TMCC1: variants seen among roughly 807,000 people sequenced by gnomAD.
TMCC1 encodes the protein transmembrane and coiled-coil domains protein 1.
A neutral mutation model predicts 52.4 loss-of-function variants in TMCC1; 15 were observed. The observed-to-expected ratio is 0.29, with a 90% CI of 0.19 to 0.44. The LOEUF (loss-of-function observed/expected upper bound fraction) is 0.44. Among genes scored for constraint, TMCC1 ranks in the 20% least tolerant of loss-of-function variants. The pLI is 1.00. For synonymous variants in TMCC1, 279 were observed against 301.9 expected (o/e 0.92, Z 0.79); for missense variants, 503 against 806.0 (o/e 0.62, Z 4.55).
chr3:129,882,218 A>C (rs2061491511), intron 1 of TMCC1, among the ~76,000 whole-genome samples: 1 of 152,176 alleles, frequency 6.6e-6, no homozygotes, highest in South Asian at 2.1e-4. Flanking sequence ...GGATATTTCT[A>C]CGAAGGAGAT....
chr3:129,856,088 G>C (rs1366312070), intron 2 of TMCC1, among the ~76,000 whole-genome samples: 2 of 152,164 alleles, frequency 1.3e-5, no homozygotes, highest in Non-Finnish European at 2.9e-5. Context: ...GCTAGGGGAA[G>C]GATTCAAGGG....
At chr3:129,776,241 C>T (rs182949746) in intron 4 of TMCC1, among the ~76,000 whole-genome samples, 2 of 152,288 alleles carry the variant, frequency 1.3e-5, no homozygotes, top group African/African-American at 4.8e-5. Context: ...CATGTAAGTT[C>T]TATGAGAAGA....
At chr3:129,734,757 G>A (rs2050810818) in intron 4 of TMCC1, among the ~76,000 whole-genome samples, 1 of 152,162 alleles carries the variant, frequency 6.6e-6, no homozygotes, top group Non-Finnish European at 1.5e-5. Context: ...CTCTGAAGAA[G>A]CGGAATGGAT....
chr3:129,707,597 T>A (rs2048340457), intron 4 of TMCC1, among the ~76,000 whole-genome samples: 1 of 152,220 alleles, frequency 6.6e-6, no homozygotes, highest in Non-Finnish European at 1.5e-5. Flanking sequence ...AAAATTACTT[T>A]TACTTTCTTA....
At chr3:129,802,284 C>T (rs2057240068) in intron 4 of TMCC1, among the ~76,000 whole-genome samples, 1 of 152,150 alleles carries the variant, frequency 6.6e-6, no homozygotes, top group Admixed American at 6.5e-5. Flanking sequence ...AAATATTACA[C>T]CTATGATTCC....
At chr3:129,725,759 C>G (rs764451759) in intron 4 of TMCC1, among the ~76,000 whole-genome samples, 34 of 151,948 alleles carry the variant, frequency 2.2e-4, no homozygotes, top group Non-Finnish European at 4.0e-4. Context: ...AGAAACAGTG[C>G]CCAGAATGGT....
chr3:129,790,631 A>C (rs1441583049), intron 4 of TMCC1, among the ~76,000 whole-genome samples: 1 of 152,196 alleles, frequency 6.6e-6, no homozygotes. Context: ...GTTTCCTCTG[A>C]TCAGAGTGCA....
intron 4 of TMCC1, among the ~76,000 whole-genome samples, chr3:129,705,648 C>A (rs2048167334): frequency 6.6e-6 from 1 of 151,024 alleles, no homozygotes; most frequent in African/African-American, 2.4e-5. Context: ...CTCCGTCACC[C>A]AGGCTGTGCA....
At chr3:129,785,052 T>C (rs2055886204) in intron 4 of TMCC1, among the ~76,000 whole-genome samples, 1 of 152,080 alleles carries the variant, frequency 6.6e-6, no homozygotes, top group East Asian at 1.9e-4. Context: ...CTCAAGAAAG[T>C]GGGAAAGTAA....
intron 4 of TMCC1, among the ~76,000 whole-genome samples, chr3:129,760,705 C>A (rs1281442503): frequency 6.6e-6 from 1 of 151,862 alleles, no homozygotes; most frequent in Non-Finnish European, 1.5e-5. Context: ...TCTCGATCTC[C>A]TGACCTTGTG....
intron 4 of TMCC1, among the ~76,000 whole-genome samples, chr3:129,799,602 A>C (rs1218315542): frequency 2.6e-5 from 4 of 152,130 alleles, no homozygotes; most frequent in Admixed American, 6.6e-5. Flanking sequence ...CGAGATCAGG[A>C]GATCGAGACC....
chr3:129,841,658 C>T (rs558301064), intron 2 of TMCC1, among the ~76,000 whole-genome samples: 8 of 152,226 alleles, frequency 5.3e-5, no homozygotes, highest in African/African-American at 1.7e-4. Context: ...GAAATTGGAA[C>T]TTATGTTTAA....
intron 2 of TMCC1, among the ~76,000 whole-genome samples, chr3:129,854,146 C>T (rs1032792939): frequency 6.6e-6 from 1 of 152,060 alleles, no homozygotes; most frequent in Admixed American, 6.6e-5. Flanking sequence ...CATCCCAGCA[C>T]TTTGGGAGGC....
intron 4 of TMCC1, among the ~76,000 whole-genome samples, chr3:129,758,565 A>T (rs543764092): frequency 6.6e-6 from 1 of 152,328 alleles, no homozygotes; most frequent in South Asian, 2.1e-4. Flanking sequence ...GGGCAGGGAA[A>T]ATACAAGATG....
At chr3:129,744,222 G>A (rs894046497) in intron 4 of TMCC1, among the ~76,000 whole-genome samples, 2 of 152,166 alleles carry the variant, frequency 1.3e-5, no homozygotes, top group African/African-American at 4.8e-5. Flanking sequence ...AATTTCAAGG[G>A]AGGACACAGG....
At chr3:129,886,560 A>G (rs550234192) in intron 1 of TMCC1, among the ~76,000 whole-genome samples, 4 of 152,324 alleles carry the variant, frequency 2.6e-5, no homozygotes, top group African/African-American at 4.8e-5. Context: ...ACAATGGAAT[A>G]TTACTATGCC....
chr3:129,794,869 C>A (rs997420784), intron 4 of TMCC1, among the ~76,000 whole-genome samples: 9 of 152,104 alleles, frequency 5.9e-5, no homozygotes, highest in African/African-American at 1.7e-4. Context: ...CAGACAGCAA[C>A]GCACCCTTCT....
chr3:129,651,792 C>A lies in TMCC1; in HGVS notation c.1651G>T (p.Ala551Ser), dbSNP rs1368955339. ...ATGCGCGTCTGGCATGCCTCCAGGG[C>A]CTCCTGTGGGCCAGAACAGGGAAGA... ...SYERARDIQE[A>S]LEACQTRISK... is the part of the protein sequence containing the mutation. Residue 551 changes from alanine to serine, a missense_variant, in exon 7 of 7, where the codon GCC becomes TCC. This residue lies in a region of TMCC1 where 121 missense variants were observed against 193.6 expected (regional missense o/e 0.62). Coordinates refer to ENST00000393238, the MANE Select transcript of TMCC1 (RefSeq NM_001017395.5). The surrounding 1 kb of genome is among the most constrained non-coding windows in gnomAD (Gnocchi z 5.1). 2 of 1,612,330 alleles carry A rather than the reference C, an allele frequency of 1.2e-6. No individual in the cohort carries two copies. Among genetic ancestry groups the A allele is most frequent in the Non-Finnish European group, 1.7e-6 (2 of 1,179,048 alleles).
At chr3:129,702,039 T>C (rs886523715) in intron 4 of TMCC1, among the ~76,000 whole-genome samples, 2 of 152,172 alleles carry the variant, frequency 1.3e-5, no homozygotes, top group Non-Finnish European at 2.9e-5. Flanking sequence ...AGAAATAGTA[T>C]AGAATAGTGG....
Sources: allele counts gnomAD v4.1 joint callset (sites outside exome capture counted in the v4.1 genomes callset), GRCh38; gene constraint gnomAD v4.1.1; regional missense constraint gnomAD v4.1.1; non-coding constraint Gnocchi (gnomAD v3.1); transcripts MANE v1.5; gene names NCBI Gene and HGNC (gene_info 2026-07-23, HGNC 2026-07-21).